Variants in OPALIN observed in about 807,000 individuals in gnomAD.
OPALIN encodes the protein transmembrane protein 10.
OPALIN carries 15 observed loss-of-function variants against 17.8 expected under a neutral mutation model. The ratio of observed to expected loss-of-function variants is 0.84; its 90% CI spans 0.56 to 1.29. OPALIN has a LOEUF of 1.29. Among genes scored for constraint, OPALIN ranks in the 50% most tolerant of loss-of-function variants. OPALIN has a pLI of 0.00. For synonymous variants in OPALIN, 62 were observed against 63.8 expected, an observed-to-expected ratio of 0.97 and a Z score of 0.14; for missense variants, 170 against 176.0, an observed-to-expected ratio of 0.97 and a Z score of 0.19.
At chr10:96,356,903 C>T (rs1475467352) in intron 1 of OPALIN, 6 of 985,414 alleles carry the variant, frequency 6.1e-6, no homozygotes, top group Non-Finnish European at 7.2e-6. Context: ...TTAGCTGTCA[C>T]CAGAACCTGA....
In OPALIN at chr10:96,350,570, C is replaced by T. The variant is rs9651413; in HGVS notation, c.73-744G>A. Among the ~76,000 whole-genome samples the T allele has an allele frequency of 8.5e-3, 1,291 of 152,238 alleles. 9 individuals carry two copies. Among genetic ancestry groups the T allele is most frequent in the African/African-American group, 0.027 (1,141 of 41,552 alleles). On this transcript the variant is annotated intron_variant, in intron 3 of 5. Coordinates refer to ENST00000371172, the MANE Select transcript of OPALIN (RefSeq NM_033207.5). ...ATTTATTTGCACTTAATGTAAATGA[C>T]GAGTTAATGGGTGCAGCACACCAAC...
intron 5 of OPALIN, among the ~76,000 whole-genome samples, chr10:96,346,828 C>A (rs1412691376): frequency 1.3e-5 from 2 of 152,042 alleles, no homozygotes; most frequent in East Asian, 3.8e-4. Flanking sequence ...GTTTTTTAAC[C>A]AAAGTTTTAT....
At chr10:96,355,679 T>G (rs1162942554) in intron 1 of OPALIN, among the ~76,000 whole-genome samples, 1 of 152,234 alleles carries the variant, frequency 6.6e-6, no homozygotes, top group Non-Finnish European at 1.5e-5. Flanking sequence ...CTGTTGAATT[T>G]AGAAGTATTT....
chr10:96,343,283 T>C lies in OPALIN; in HGVS notation c.*2658A>G, dbSNP rs1479319002. 2 of 152,244 alleles carry C rather than the reference T, an allele frequency of 1.3e-5. No individual in the cohort carries two copies. The highest frequency in any genetic ancestry group is 2.4e-5 in the African/African-American group (1 of 41,462). The allele number at this position is 152,244 out of a possible 1,614,324, so 9.4% of individuals were successfully genotyped here. A position where few individuals can be genotyped will look rare whatever the true frequency, so the allele number is the denominator to read the frequency against. ...TTCCAACATAAGTTCTTGTGTATCA[T>C]AGCAGAAGTAAATGACAGAAATGCT... is the stretch of plus-strand genomic sequence containing the variant. On this transcript the variant is annotated 3_prime_UTR_variant, in exon 6 of 6. Transcript: ENST00000371172.
At chr10:96,348,796 A>G (rs1471677414) in intron 4 of OPALIN, among the ~76,000 whole-genome samples, 1 of 152,226 alleles carries the variant, frequency 6.6e-6, no homozygotes, top group Admixed American at 6.5e-5. Flanking sequence ...TTGAGAAACT[A>G]TTACTTAAAC....
At chr10:96,352,791 G>A (rs896928289) in intron 2 of OPALIN, among the ~76,000 whole-genome samples, 4 of 152,116 alleles carry the variant, frequency 2.6e-5, no homozygotes, top group African/African-American at 7.2e-5. Flanking sequence ...ACCTTGGAAC[G>A]GGGAACTTGT....
At chr10:96,349,656 G>A (rs1845487541) in intron 4 of OPALIN, 51 bp downstream of exon 4, 1 of 1,580,906 alleles carries the variant, frequency 6.3e-7, no homozygotes, top group Non-Finnish European at 8.6e-7. Context: ...CCAGTTCACT[G>A]AAATACTGGT....
At position 96,344,376 on chromosome 10, in the gene OPALIN, T is replaced by C. The variant is rs200024353; in HGVS notation, c.*1565A>G. On this transcript the variant is annotated 3_prime_UTR_variant, in exon 6 of 6. Transcript: ENST00000371172. ...TAGGCCAGGTGTGTGGTAGGGTAGC[T>C]GACACATGTTAGAAGGAAGTCTGCC... 6.6e-5 allele frequency: 10 copies of C among 151,334 alleles called. No individual in the cohort carries two copies. In the East Asian group the frequency reaches 1.9e-3, roughly 29 times the overall value. The allele number at this position is 151,334 out of a possible 1,614,324, so 9.4% of individuals were successfully genotyped here.
chr10:96,355,312 T>A, intron 1 of OPALIN, 22 bp from the exon 2 acceptor site: 3 of 1,612,732 alleles, frequency 1.9e-6, no homozygotes, highest in Non-Finnish European at 2.5e-6. Context: ...AAGTAAACAT[T>A]AAAGCTCCCA....
rs1362453330 is a variant in OPALIN at position 96,344,534 on chromosome 10, C to T, written c.*1407G>A. On this transcript the variant is annotated 3_prime_UTR_variant, in exon 6 of 6. Transcript: ENST00000371172. Reference sequence around the variant, plus strand: ...ATAAGAGAAAGCTGGAGGGTGGCCTCTCCTGGAGTAATCCACCCAAAATAA... The same window carrying T: ...ATAAGAGAAAGCTGGAGGGTGGCCTTTCCTGGAGTAATCCACCCAAAATAA... 6.6e-6 allele frequency: 1 copy of T among 151,986 alleles called. No individual in the cohort carries two copies. Among genetic ancestry groups the T allele is most frequent in the Non-Finnish European group, 1.5e-5 (1 of 68,030 alleles). 9.4% of individuals were successfully genotyped at this position (151,986 alleles called of 1,614,324 possible).
At chr10:96,351,988 C>G (rs1845604530) in intron 2 of OPALIN, among the ~76,000 whole-genome samples, 1 of 152,150 alleles carries the variant, frequency 6.6e-6, no homozygotes, top group Non-Finnish European at 1.5e-5. Flanking sequence ...ATTAGGAAAT[C>G]TAAAGGAATA....
At position 96,345,487 on chromosome 10, in the gene OPALIN, T is replaced by A. The variant is rs1183621697; in HGVS notation, c.*454A>T. The A allele has an allele frequency of 6.4e-6, 1 of 156,294 alleles. No individual in the cohort carries two copies. Among genetic ancestry groups the A allele is most frequent in the Admixed American group, 6.3e-5 (1 of 15,948 alleles). The allele number at this position is 156,294 out of a possible 1,614,324, so 9.7% of individuals were successfully genotyped here. On this transcript the variant is annotated 3_prime_UTR_variant, in exon 6 of 6. Transcript: ENST00000371172. ...CCTACCCTGAGATATTCAGAAACAA[T>A]TAACTGCTTCCTCTCACACATCCTG...
intron 2 of OPALIN, chr10:96,353,354 C>T: frequency 1.3e-6 from 2 of 1,591,352 alleles, no homozygotes; most frequent in Non-Finnish European, 1.7e-6. Flanking sequence ...CTCTGTCCCA[C>T]TTCCCAGGGC....
chr10:96,349,875 A>G (rs1845505054), intron 3 of OPALIN, 49 bp from the exon 4 acceptor site: 1 of 1,526,036 alleles, frequency 6.6e-7, no homozygotes, highest in South Asian at 1.3e-5. Flanking sequence ...AGAGTCTTCA[A>G]TAATAAAGGA....
At chr10:96,354,206 G>A (rs1353760612) in intron 2 of OPALIN, among the ~76,000 whole-genome samples, 1 of 152,182 alleles carries the variant, frequency 6.6e-6, no homozygotes, top group African/African-American at 2.4e-5. Context: ...TTGGCTCTTA[G>A]TGTTATCTAT....
intron 2 of OPALIN, chr10:96,353,473 A>T: frequency 6.3e-7 from 1 of 1,585,124 alleles, no homozygotes; most frequent in Non-Finnish European, 8.7e-7. Context: ...AGAGCTGCCC[A>T]GGACTTTCAG....
In OPALIN at chr10:96,355,249, A is replaced by T. The variant is rs894604114; in HGVS notation, c.39+6T>A. 6.2e-7 allele frequency: 1 copy of T among 1,613,206 alleles called. No homozygotes were observed. Among genetic ancestry groups the T allele is most frequent in the African/African-American group, 1.3e-5 (1 of 74,610 alleles). ...TTGCCTGGTGAATGGGGGCTGCTGT[A>T]CTTACTGTGTTCGCCGGCAGGGTGA... On this transcript the variant is annotated splice_donor_region_variant and intron_variant, in intron 2 of 5. Transcript: ENST00000371172.
At chr10:96,355,027 G>C (rs933470967) in intron 2 of OPALIN, among the ~76,000 whole-genome samples, 2 of 131,154 alleles carry the variant, frequency 1.5e-5, no homozygotes, top group African/African-American at 5.7e-5. Flanking sequence ...AACCCAGGAG[G>C]TGGAAGTTGC....
intron 3 of OPALIN, 60 bp downstream of exon 3, chr10:96,351,318 C>T: frequency 1.9e-6 from 2 of 1,026,614 alleles, no homozygotes; most frequent in African/African-American, 1.7e-5. Flanking sequence ...AAAACAAATG[C>T]TCAAGATGGA....
Sources: gnomAD v4.1 joint callset for allele counts (sites outside exome capture counted in the v4.1 genomes callset) on GRCh38, gnomAD v4.1.1 for gene constraint, MANE v1.5 for transcripts, NCBI Gene and HGNC (gene_info 2026-07-23, HGNC 2026-07-21) for gene names.